Variants in ARMC2 observed in about 807,000 individuals in gnomAD.
ARMC2 encodes the protein armadillo repeat-containing protein 2.
In ARMC2, 67 loss-of-function variants were observed where a neutral mutation model predicts 90.3. The observed-to-expected ratio is 0.74, with a 90% CI of 0.61 to 0.91. ARMC2 has a LOEUF of 0.91. ARMC2 is among the 40% of genes least tolerant of loss of function. The pLI is 0.00. For synonymous variants in ARMC2, 393 were observed against 393.0 expected (o/e 1.00, Z 0.00); for missense variants, 920 against 1,030.9 (o/e 0.89, Z 1.47).
intron 5 of ARMC2, 142 bp downstream of exon 5, chr6:108,876,492 A>T: frequency 1.3e-6 from 1 of 763,168 alleles, no homozygotes; most frequent in Non-Finnish European, 2.1e-6. Flanking sequence ...AATAGGAGAG[A>T]CTACTTCTCA....
chr6:109,000,667 C>T, the ARMC2 span: 1 of 1,576,894 alleles, frequency 6.3e-7, no homozygotes, highest in African/African-American at 1.4e-5. Context: ...TGATGTCTTG[C>T]CGCAGCCTTA....
chr6:108,861,690 A>G (rs141478157), intron 3 of ARMC2, among the ~76,000 whole-genome samples: 58 of 152,262 alleles, frequency 3.8e-4, no homozygotes, highest in African/African-American at 1.2e-3. Flanking sequence ...AACGTCTACA[A>G]CCTTGGGAAC....
At chr6:108,992,774 G>A in the ARMC2 span, 1 of 1,517,170 alleles carries the variant, frequency 6.6e-7, no homozygotes, top group African/African-American at 1.4e-5. Context: ...GTGCATACAA[G>A]TTGCAATTTT....
At chr6:108,881,099 C>G (rs1777501973) in intron 5 of ARMC2, among the ~76,000 whole-genome samples, 1 of 152,074 alleles carries the variant, frequency 6.6e-6, no homozygotes, top group Non-Finnish European at 1.5e-5. Context: ...TGTGATCTGC[C>G]CACCTCAGCC....
intron 11 of ARMC2, among the ~76,000 whole-genome samples, chr6:108,933,059 C>T (rs372981158): frequency 3.3e-5 from 5 of 149,950 alleles, no homozygotes; most frequent in African/African-American, 7.4e-5. Flanking sequence ...TTTTCAGTTC[C>T]GTGTTAAATT....
the ARMC2 span, among the ~76,000 whole-genome samples, chr6:109,045,219 AG>A: frequency 3.3e-5 from 5 of 152,024 alleles, no homozygotes; most frequent in Non-Finnish European, 5.9e-5. Flanking sequence ...TCTACATCCT[AG>A]AAACTGTAAA....
At chr6:108,995,919 G>C in the ARMC2 span, among the ~76,000 whole-genome samples, 1 of 152,102 alleles carries the variant, frequency 6.6e-6, no homozygotes, top group Non-Finnish European at 1.5e-5. Flanking sequence ...TCCACCCATT[G>C]ATCCTTCAGG....
chr6:108,918,701 G>A (rs1774245248), intron 10 of ARMC2, among the ~76,000 whole-genome samples: 1 of 152,158 alleles, frequency 6.6e-6, no homozygotes, highest in Admixed American at 6.5e-5. Flanking sequence ...CTGGGACACT[G>A]AGCCCACTTT....
the ARMC2 span, among the ~76,000 whole-genome samples, chr6:109,006,492 C>T: frequency 6.7e-6 from 1 of 149,390 alleles, no homozygotes; most frequent in Non-Finnish European, 1.5e-5. Flanking sequence ...TGTTCCCCAC[C>T]CTGTGTCCAA....
At chr6:109,032,617 C>T in the ARMC2 span, among the ~76,000 whole-genome samples, 3,394 of 139,104 alleles carry the variant, frequency 0.024, 115 homozygotes, top group African/African-American at 0.1. Flanking sequence ...GACTTCATCT[C>T]GTGGGGGGAG....
intron 15 of ARMC2, among the ~76,000 whole-genome samples, chr6:108,962,351 C>T (rs988512052): frequency 5.9e-5 from 9 of 152,094 alleles, no homozygotes; most frequent in Admixed American, 1.3e-4. Flanking sequence ...GTGTGTATGT[C>T]TAATGGAAAC....
chr6:109,027,791 A>C, the ARMC2 span, among the ~76,000 whole-genome samples: 11 of 152,136 alleles, frequency 7.2e-5, no homozygotes, highest in African/African-American at 2.7e-4. Context: ...TCTCATTGTG[A>C]TTTTAATTTG....
At chr6:109,028,577 C>A in the ARMC2 span, among the ~76,000 whole-genome samples, 33 of 152,140 alleles carry the variant, frequency 2.2e-4, 1 homozygote, top group Non-Finnish European at 4.4e-4. Flanking sequence ...TTCTTCCGGG[C>A]AATACTAGGG....
At chr6:108,987,704 A>T in the ARMC2 span, 1 of 789,028 alleles carries the variant, frequency 1.3e-6, no homozygotes. Context: ...GAATCTAATG[A>T]ACACATAAAA....
intron 17 of ARMC2, among the ~76,000 whole-genome samples, chr6:108,971,845 C>T (rs909932670): frequency 1.8e-4 from 27 of 150,404 alleles, no homozygotes; most frequent in African/African-American, 5.9e-4. Flanking sequence ...TGCTTGAACC[C>T]GGGAGGCAGA....
the ARMC2 span, among the ~76,000 whole-genome samples, chr6:108,986,109 G>A: frequency 1.3e-5 from 2 of 152,128 alleles, no homozygotes; most frequent in Admixed American, 1.3e-4. Flanking sequence ...TAAACTTAGA[G>A]CTATTTCTAC....
At chr6:108,900,307 C>T (rs1475370604) in intron 7 of ARMC2, among the ~76,000 whole-genome samples, 4 of 152,204 alleles carry the variant, frequency 2.6e-5, no homozygotes, top group East Asian at 3.8e-4. Context: ...CCCACCCTTG[C>T]GCTCTGAACT....
chr6:108,862,198 G>A (rs907641575), intron 3 of ARMC2, among the ~76,000 whole-genome samples: 1 of 151,956 alleles, frequency 6.6e-6, no homozygotes, highest in African/African-American at 2.4e-5. Flanking sequence ...ATAAACATTA[G>A]CCAGGTGTGG....
At chr6:108,960,432 C>T (rs564261974) in intron 13 of ARMC2, among the ~76,000 whole-genome samples, 10 of 152,308 alleles carry the variant, frequency 6.6e-5, no homozygotes, top group African/African-American at 2.2e-4. Flanking sequence ...ACAAAAACCA[C>T]TAAGGGCCTT....
Sources: gnomAD v4.1 joint callset for allele counts (sites outside exome capture counted in the v4.1 genomes callset) on GRCh38, gnomAD v4.1.1 for gene constraint, MANE v1.5 for transcripts, NCBI Gene and HGNC (gene_info 2026-07-23, HGNC 2026-07-21) for gene names.